Variants in CSMD1 observed in about 807,000 individuals in gnomAD.
CSMD1 encodes CUB and sushi domain-containing protein 1.
Under a neutral mutation model 417.5 loss-of-function variants are expected in CSMD1, and 213 were observed. The ratio of observed to expected loss-of-function variants is 0.51; its 90% CI spans 0.46 to 0.57. The LOEUF (loss-of-function observed/expected upper bound fraction) is 0.57. Ranked by LOEUF, CSMD1 falls within the 20% of genes least tolerant of loss-of-function variation. CSMD1 has a pLI of 0.00. For synonymous variants in CSMD1, 2,862 were observed against 1,736.8 expected (o/e 1.65, Z -16.11); for missense variants, 6,923 against 4,529.7 (o/e 1.53, Z -15.17).
At chr8:4,715,212 G>A (rs1808578117) in intron 1 of CSMD1, among the ~76,000 whole-genome samples, 1 of 152,160 alleles carries the variant, frequency 6.6e-6, no homozygotes, top group South Asian at 2.1e-4. Context: ...TATGAAGAAT[G>A]TCTGAGTGTT....
At position 3,437,337 on chromosome 8, in the gene CSMD1, G is replaced by A. The variant is rs557720164; in HGVS notation, c.1562-27732C>T. ...ACTCCATTATTATTGGCCTCAACTCGGGAAATCTTATCTATGAGGTATAGT... is the reference window on the plus strand; with the variant it reads ...ACTCCATTATTATTGGCCTCAACTCAGGAAATCTTATCTATGAGGTATAGT... On this transcript the variant is annotated intron_variant, in intron 12 of 69. Transcript: ENST00000635120. 4.7e-4 allele frequency among the ~76,000 whole-genome samples: 72 copies of A among 152,210 alleles called. 1 individual carries two copies. The highest frequency in any genetic ancestry group is 1.6e-3 in the African/African-American group (66 of 41,530).
At chr8:4,552,733 G>A (rs557349281) in intron 2 of CSMD1, among the ~76,000 whole-genome samples, 16 of 152,106 alleles carry the variant, frequency 1.1e-4, no homozygotes, top group Admixed American at 5.2e-4. Context: ...AATTTAAAGT[G>A]AAACTAGATA....
intron 1 of CSMD1, among the ~76,000 whole-genome samples, chr8:4,748,595 G>T (rs920018881): frequency 2.6e-5 from 4 of 152,158 alleles, no homozygotes; most frequent in African/African-American, 7.2e-5. Flanking sequence ...AGACTCACGG[G>T]GAGAAATCAT....
rs569285238 is a variant in CSMD1 at position 4,767,825 on chromosome 8, G to A, written c.86-130267C>T. On this transcript the variant is annotated intron_variant, in intron 1 of 69. Coordinates refer to ENST00000635120, the MANE Select transcript of CSMD1 (RefSeq NM_033225.6). Reference sequence around the variant, plus strand: ...ACACTTATTTACCCGAGGCACTGGAGCACCCAACTGCCCAGGAGTGTCCCT... The same window carrying A: ...ACACTTATTTACCCGAGGCACTGGAACACCCAACTGCCCAGGAGTGTCCCT... Among the ~76,000 whole-genome samples the A allele has an allele frequency of 5.9e-5, 9 of 152,310 alleles. No homozygotes were observed. In the South Asian group the frequency reaches 1.7e-3, roughly 28 times the overall value.
intron 1 of CSMD1, among the ~76,000 whole-genome samples, chr8:4,697,226 G>C (rs569395757): frequency 1.3e-5 from 2 of 151,892 alleles, no homozygotes; most frequent in Non-Finnish European, 2.9e-5. Flanking sequence ...ACTTATTTTT[G>C]ATTCTAGAAC....
intron 3 of CSMD1, among the ~76,000 whole-genome samples, chr8:4,179,829 G>C (rs576814474): frequency 3.2e-4 from 49 of 152,282 alleles, no homozygotes; most frequent in African/African-American, 1.2e-3. Context: ...ATGAAAAAAT[G>C]CTCATCATCA....
rs1367477888 is a variant in CSMD1 at position 3,472,636 on chromosome 8, A to G, written c.1449-3812T>C. Among the ~76,000 whole-genome samples the G allele has an allele frequency of 2.6e-5, 4 of 151,880 alleles. No individual in the cohort carries two copies. In the East Asian group the frequency reaches 5.8e-4, roughly 22 times the overall value. On this transcript the variant is annotated intron_variant, in intron 11 of 69. Transcript: ENST00000635120. ...ACTCACACTAGACACATGGTGCCAC[A>G]TTTTTTTCCTGAATTATAGTCAGTG...
intron 3 of CSMD1, among the ~76,000 whole-genome samples, chr8:4,150,278 T>C (rs1796499072): frequency 1.3e-5 from 2 of 152,192 alleles, no homozygotes. Context: ...TCCCCAGATG[T>C]AGAAGTCTCC....
intron 7 of CSMD1, among the ~76,000 whole-genome samples, chr8:3,649,564 T>C (rs1247868030): frequency 6.6e-6 from 1 of 152,130 alleles, no homozygotes; most frequent in African/African-American, 2.4e-5. Flanking sequence ...GGAGAAGTGC[T>C]GTGCAAAGTG....
chr8:3,322,179 A>T (rs59064865), intron 23 of CSMD1, among the ~76,000 whole-genome samples: 7,011 of 152,320 alleles, frequency 0.046, 358 homozygotes, highest in East Asian at 0.21. Flanking sequence ...TGACAAATAT[A>T]TTCAATACAT....
chr8:4,041,158 A>C (rs1369143661), intron 3 of CSMD1, among the ~76,000 whole-genome samples: 3 of 151,346 alleles, frequency 2.0e-5, no homozygotes, highest in Non-Finnish European at 2.9e-5. Flanking sequence ...CTGGGACTAC[A>C]GGCGCCCGCC....
At chr8:3,613,187 G>C (rs1190004079) in intron 8 of CSMD1, 10 of 219,096 alleles carry the variant, frequency 4.6e-5, no homozygotes, top group South Asian at 1.0e-4. Context: ...TTTCTTGAAA[G>C]ATACACACTA....
At chr8:4,576,413 C>T (rs1024366063) in intron 2 of CSMD1, among the ~76,000 whole-genome samples, 1 of 152,232 alleles carries the variant, frequency 6.6e-6, no homozygotes, top group Non-Finnish European at 1.5e-5. Flanking sequence ...ACTAGATTAC[C>T]TCTTCTTGCA....
chr8:3,901,683 CA>C (rs141698057), intron 5 of CSMD1, among the ~76,000 whole-genome samples: 1 of 152,308 alleles, frequency 6.6e-6, no homozygotes, highest in East Asian at 1.9e-4. Flanking sequence ...TTCTGTTTAA[CA>C]ACTTTATTAG....
intron 10 of CSMD1, among the ~76,000 whole-genome samples, chr8:3,526,747 T>C (rs1357450482): frequency 6.6e-6 from 1 of 152,204 alleles, no homozygotes; most frequent in Non-Finnish European, 1.5e-5. Context: ...TTACTTACCC[T>C]CATTCAGTTT....
intron 3 of CSMD1, among the ~76,000 whole-genome samples, chr8:4,038,319 A>G (rs1381254357): frequency 1.3e-5 from 2 of 152,200 alleles, no homozygotes; most frequent in Non-Finnish European, 2.9e-5. Flanking sequence ...CAAAACAGAC[A>G]TAGTATTATA....
At chr8:4,068,296 G>T (rs914623234) in intron 3 of CSMD1, among the ~76,000 whole-genome samples, 1 of 152,156 alleles carries the variant, frequency 6.6e-6, no homozygotes, top group African/African-American at 2.4e-5. Context: ...TGTAGCTGGA[G>T]GACAGTGTAT....
At chr8:4,975,101 G>A (rs28692660) in intron 1 of CSMD1, among the ~76,000 whole-genome samples, 1,642 of 152,198 alleles carry the variant, frequency 0.011, 28 homozygotes, top group African/African-American at 0.037. Context: ...CTACCAAGAA[G>A]GGCTAGGTCC....
chr8:3,910,457 G>C (rs553616322), intron 5 of CSMD1, among the ~76,000 whole-genome samples: 1 of 152,190 alleles, frequency 6.6e-6, no homozygotes, highest in African/African-American at 2.4e-5. Flanking sequence ...TAAGTGTTCA[G>C]GTTTTATTTT....
Sources: gnomAD v4.1 joint callset for allele counts (sites outside exome capture counted in the v4.1 genomes callset) on GRCh38, gnomAD v4.1.1 for gene constraint, MANE v1.5 for transcripts, NCBI Gene and HGNC (gene_info 2026-07-23, HGNC 2026-07-21) for gene names.